The following TFDP2 variants were observed in gnomAD, a reference collection of about 807,000 sequenced individuals.
TFDP2 encodes the protein transcription factor Dp-2.
TFDP2 carries 17 observed loss-of-function variants against 59.3 expected under a neutral mutation model. The ratio of observed to expected loss-of-function variants is 0.29; its 90% CI spans 0.20 to 0.43. TFDP2 has a LOEUF of 0.43. TFDP2 is among the 20% of genes least tolerant of loss of function. TFDP2 has a pLI of 1.00. For missense variants in TFDP2, 391 were observed against 528.8 expected (o/e 0.74, Z 2.56); for synonymous variants, 180 against 194.7 (o/e 0.92, Z 0.63).
At chr3:141,985,294 C>T (rs774577791) in intron 6 of TFDP2, among the ~76,000 whole-genome samples, 10 of 151,994 alleles carry the variant, frequency 6.6e-5, no homozygotes, top group East Asian at 5.8e-4. Context: ...TTTAGGAGGC[C>T]GAGGCAGGCA....
intron 6 of TFDP2, among the ~76,000 whole-genome samples, chr3:141,992,416 A>C (rs1222897063): frequency 6.6e-6 from 1 of 152,224 alleles, no homozygotes; most frequent in African/African-American, 2.4e-5. Flanking sequence ...GAGAATAAAG[A>C]GAATCTTGGT....
At chr3:142,099,890 CTCT>C (rs1169972652) in intron 2 of TFDP2, among the ~76,000 whole-genome samples, 1 of 152,030 alleles carries the variant, frequency 6.6e-6, no homozygotes, top group African/African-American at 2.4e-5. Context: ...CTAAGAATTC[CTCT>C]TCTAATTAAA....
chr3:142,011,877 A>C (rs1157078365), intron 3 of TFDP2, among the ~76,000 whole-genome samples: 1 of 152,154 alleles, frequency 6.6e-6, no homozygotes, highest in Admixed American at 6.5e-5. Context: ...TAGTGAAGGG[A>C]ATACTGTAGA....
chr3:142,113,209 T>C (rs1482708833), intron 1 of TFDP2, among the ~76,000 whole-genome samples: 1 of 152,202 alleles, frequency 6.6e-6, no homozygotes, highest in East Asian at 1.9e-4. Context: ...ATGTTAAGAC[T>C]TATCTTTACT....
chr3:142,109,599 A>T (rs2061586027), intron 1 of TFDP2, among the ~76,000 whole-genome samples: 1 of 152,176 alleles, frequency 6.6e-6, no homozygotes, highest in Non-Finnish European at 1.5e-5. Context: ...AAGTGCTGGG[A>T]TTACAGGCAT....
At chr3:142,082,282 G>A (rs1280056252) in intron 3 of TFDP2, among the ~76,000 whole-genome samples, 1 of 152,106 alleles carries the variant, frequency 6.6e-6, no homozygotes, top group Non-Finnish European at 1.5e-5. Context: ...AACAAGCTCA[G>A]GGCTCCCACT....
At chr3:142,025,443 T>C (rs1015961158) in intron 3 of TFDP2, among the ~76,000 whole-genome samples, 2 of 152,256 alleles carry the variant, frequency 1.3e-5, no homozygotes, top group African/African-American at 2.4e-5. Context: ...CTTGTTGCTG[T>C]TGCTGATACT....
chr3:141,984,130 A>G (rs1269260030), intron 6 of TFDP2, among the ~76,000 whole-genome samples: 2 of 152,242 alleles, frequency 1.3e-5, no homozygotes, highest in Non-Finnish European at 2.9e-5. Flanking sequence ...ATTCATCCTT[A>G]AAAAGGAATA....
At chr3:142,079,299 T>C (rs1342991823) in intron 3 of TFDP2, among the ~76,000 whole-genome samples, 1 of 151,064 alleles carries the variant, frequency 6.6e-6, no homozygotes, top group Non-Finnish European at 1.5e-5. Context: ...CGAGACTCCA[T>C]CTCAAAAACA....
chr3:142,117,222 G>A (rs2061880220), intron 1 of TFDP2, among the ~76,000 whole-genome samples: 2 of 151,836 alleles, frequency 1.3e-5, no homozygotes, highest in East Asian at 1.9e-4. Flanking sequence ...CACCCGGCCC[G>A]AAAAAGATTT....
At chr3:142,135,022 A>G (rs2062669291) in intron 1 of TFDP2, among the ~76,000 whole-genome samples, 1 of 152,258 alleles carries the variant, frequency 6.6e-6, no homozygotes, top group East Asian at 1.9e-4. Flanking sequence ...CATGAAGTAC[A>G]ATCGTTTTTC....
chr3:142,036,569 C>T (rs937299971), intron 3 of TFDP2, among the ~76,000 whole-genome samples: 1 of 152,164 alleles, frequency 6.6e-6, no homozygotes, highest in African/African-American at 2.4e-5. Flanking sequence ...CTGTACCCTC[C>T]TCATCTAGAA....
chr3:141,977,245 G>A (rs1032842361), intron 7 of TFDP2, among the ~76,000 whole-genome samples: 8 of 148,838 alleles, frequency 5.4e-5, no homozygotes. Flanking sequence ...CTACAGGTTT[G>A]TGCCACTGCA....
chr3:142,078,898 C>G (rs1159660498), intron 3 of TFDP2, among the ~76,000 whole-genome samples: 1 of 151,954 alleles, frequency 6.6e-6, no homozygotes, highest in Non-Finnish European at 1.5e-5. Context: ...CAAAGAAATT[C>G]AAGATAACAC....
intron 3 of TFDP2, among the ~76,000 whole-genome samples, chr3:142,072,921 T>C (rs2060295974): frequency 6.6e-6 from 1 of 152,154 alleles, no homozygotes; most frequent in Admixed American, 6.5e-5. Context: ...AACTCCCTGC[T>C]CCTCAAGTGT....
intron 2 of TFDP2, among the ~76,000 whole-genome samples, chr3:142,098,954 T>C (rs142610411): frequency 2.0e-5 from 3 of 152,340 alleles, no homozygotes; most frequent in South Asian, 2.1e-4. Context: ...GCTGTTTTGA[T>C]AGGGTTTCGA....
At chr3:142,037,754 G>A (rs1278028818) in intron 3 of TFDP2, among the ~76,000 whole-genome samples, 1 of 152,162 alleles carries the variant, frequency 6.6e-6, no homozygotes, top group Admixed American at 6.5e-5. Flanking sequence ...AATCATGGAT[G>A]CCATTCTGAG....
intron 3 of TFDP2, among the ~76,000 whole-genome samples, chr3:142,023,660 A>G (rs1945847494): frequency 6.6e-6 from 1 of 152,222 alleles, no homozygotes; most frequent in African/African-American, 2.4e-5. Context: ...GCAGTAAGTT[A>G]TTGATATTAT....
rs769246475 is a variant in TFDP2 at position 142,149,157 on chromosome 3, G to A, written c.-93+26C>T. On this transcript the variant is annotated intron_variant, in intron 1 of 12. Transcript: ENST00000489671. ...GGGTCCAAAGGCCCTCCGCGCGCGG[G>A]CCCGCGCCCTCGCCCCAGACCTTAC... 47 of 397,852 alleles carry A rather than the reference G, an allele frequency of 1.2e-4. No individual in the cohort carries two copies. The South Asian group carries it at 4.6e-3, about 39-fold the overall frequency. 24.6% of individuals were successfully genotyped at this position (397,852 alleles called of 1,614,324 possible). A position where few individuals can be genotyped will look rare whatever the true frequency, so the allele number is the denominator to read the frequency against.
Sources: gnomAD v4.1 joint callset for allele counts (sites outside exome capture counted in the v4.1 genomes callset) on GRCh38, gnomAD v4.1.1 for gene constraint, MANE v1.5 for transcripts, NCBI Gene and HGNC (gene_info 2026-07-23, HGNC 2026-07-21) for gene names.